The following NIBAN2 variants were observed in gnomAD, a reference collection of about 807,000 sequenced individuals.
NIBAN2 encodes the protein niban apoptosis regulator 2, also known as protein Niban 2.
Under a neutral mutation model 81.8 loss-of-function variants are expected in NIBAN2, and 36 were observed. The observed-to-expected ratio is 0.44, with a 90% confidence interval of 0.34 to 0.58. NIBAN2 has a LOEUF of 0.58. Ranked by LOEUF, NIBAN2 falls within the 20% of genes least tolerant of loss-of-function variation. NIBAN2 has a pLI of 0.02. For synonymous variants in NIBAN2, 445 were observed against 441.6 expected (o/e 1.01, Z -0.10); for missense variants, 897 against 1,014.1 (o/e 0.88, Z 1.57).
rs560932301 is a variant in NIBAN2, at chr9:127,506,067, G to C, written c.*778C>G. ...GGCCAGGCGGGCAGGAGGGAGGCAG[G>C]CTGGGGCCGGGAGAAGGGGATACAC... On this transcript the variant is annotated 3_prime_UTR_variant, in exon 14 of 14. Coordinates refer to ENST00000373312, the MANE Select transcript of NIBAN2 (RefSeq NM_022833.4). 6.5e-6 allele frequency: 1 copy of C among 153,130 alleles called. No individual in the cohort carries two copies. Among genetic ancestry groups the C allele is most frequent in the East Asian group, 1.9e-4 (1 of 5,166 alleles). 9.5% of individuals were successfully genotyped at this position (153,130 alleles called of 1,614,324 possible).
rs1298540817 is a variant in NIBAN2, at chr9:127,507,152, G to A, written c.1934C>T (p.Ala645Val). The change falls in exon 14 of 14, where the codon GCG (alanine) becomes GTG (valine). Residue 645 changes from alanine to valine, a missense_variant. Physicochemically the swap from Ala to Val is moderately conservative, Grantham distance 64. Around this residue, in one of 3 missense-constraint regions of NIBAN2, gnomAD observed 619 missense variants for 691.0 expected, o/e 0.90. Coordinates refer to ENST00000373312, the MANE Select transcript of NIBAN2 (RefSeq NM_022833.4). This position sits in a 1 kb window ranked among gnomAD's most constrained non-coding sequence, Gnocchi z 6.8. ...FEASPESPPPASPDGVTEIRG... is the reference protein window; with the variant it reads ...FEASPESPPPVSPDGVTEIRG... ...GATCTCAGTGACACCGTCCGGGGACGCAGGTGGTGGTGACTCAGGGCTAGC... is the reference window on the plus strand; with the variant it reads ...GATCTCAGTGACACCGTCCGGGGACACAGGTGGTGGTGACTCAGGGCTAGC... 1.2e-5 allele frequency: 20 copies of A among 1,608,452 alleles called. No individual in the cohort carries two copies. Among genetic ancestry groups the A allele is most frequent in the African/African-American group, 6.7e-5 (5 of 74,860 alleles).
chr9:127,556,549 C>T (rs1216284896), intron 1 of NIBAN2, among the ~76,000 whole-genome samples: 1 of 152,234 alleles, frequency 6.6e-6, no homozygotes, highest in Non-Finnish European at 1.5e-5. Flanking sequence ...GTTATTGACT[C>T]CTCAGCATTT....
chr9:127,554,235 C>T (rs1837626490), intron 1 of NIBAN2, among the ~76,000 whole-genome samples: 1 of 152,156 alleles, frequency 6.6e-6, no homozygotes, highest in Admixed American at 6.5e-5. Context: ...ATTCCCCAAC[C>T]CCTTTGCCTG....
Position 127,507,310 on chromosome 9 carries a change from C to T in NIBAN2, c.1776G>A (p.Glu592=), listed in dbSNP as rs1461638026. 1.3e-6 allele frequency: 2 copies of T among 1,579,724 alleles called. No homozygotes were observed. Among genetic ancestry groups the T allele is most frequent in the East Asian group, 2.3e-5 (1 of 44,220 alleles). ...TGCCGCCCCCGCCGCTGTTGCTGTA[C>T]TCCTCGCCCCAGTCGATGGGGGCGC... The part of the protein sequence containing the change: ...AEGAPIDWGE[E]YSNSGGGGSP... Residue 592 remains glutamate (E), a synonymous_variant, in exon 14 of 14, where the codon GAG becomes GAA. Transcript: ENST00000373312. This position sits in a 1 kb window ranked among gnomAD's most constrained non-coding sequence, Gnocchi z 6.8.
chr9:127,531,890 G>C, intron 1 of NIBAN2, 112 bp from the exon 2 acceptor site: 1 of 1,414,528 alleles, frequency 7.1e-7, no homozygotes, highest in Non-Finnish European at 9.7e-7. Context: ...ATGTGGAATT[G>C]TTTGCACAGG....
intron 1 of NIBAN2, among the ~76,000 whole-genome samples, chr9:127,544,193 G>A (rs912455001): frequency 2.0e-5 from 3 of 152,178 alleles, no homozygotes; most frequent in Non-Finnish European, 2.9e-5. Context: ...GTTCACTTCC[G>A]TATCCCTGGT....
chr9:127,570,716 T>C (rs1017261488), upstream of NIBAN2, among the ~76,000 whole-genome samples: 1 of 152,208 alleles, frequency 6.6e-6, no homozygotes, highest in Non-Finnish European at 1.5e-5. Context: ...CAGCAGATAC[T>C]GAGAAACAGC....
At chr9:127,567,244 C>T (rs1837874095) in intron 1 of NIBAN2, among the ~76,000 whole-genome samples, 2 of 152,146 alleles carry the variant, frequency 1.3e-5, no homozygotes, top group Non-Finnish European at 2.9e-5. Context: ...CACCCAGGCC[C>T]CTCGAGGGGC....
At chr9:127,571,195 C>T (rs1340278096), upstream of NIBAN2, among the ~76,000 whole-genome samples, 2 of 152,308 alleles carry the variant, frequency 1.3e-5, no homozygotes, top group Non-Finnish European at 1.5e-5. Flanking sequence ...GGAACACCCA[C>T]AGCCTGCCTA....
chr9:127,527,282 A>G lies in NIBAN2; in HGVS notation c.227T>C (p.Phe76Ser), dbSNP rs1215989744. The change falls in exon 3 of 14, where the codon TTC (phenylalanine) becomes TCC (serine). Residue 76 changes from phenylalanine (F) to serine (S), a missense_variant. Physicochemically the swap from Phe to Ser is radical, Grantham distance 155. Coordinates refer to ENST00000373312, the MANE Select transcript of NIBAN2 (RefSeq NM_022833.4). ...CTTCTTGCTGTCCTCCTGGTGCTGGAAGAGGTTCCCCGAGAAGACGATGCG... is the reference window on the plus strand; with the variant it reads ...CTTCTTGCTGTCCTCCTGGTGCTGGGAGAGGTTCCCCGAGAAGACGATGCG... ...DERIVFSGNL[F>S]QHQEDSKKWR... The G allele has an allele frequency of 1.2e-6, 2 of 1,613,654 alleles. No homozygotes were observed. Among genetic ancestry groups the G allele is most frequent in the Non-Finnish European group, 1.7e-6 (2 of 1,179,954 alleles).
intron 1 of NIBAN2, among the ~76,000 whole-genome samples, chr9:127,547,681 T>C (rs934804621): frequency 2.0e-5 from 3 of 148,234 alleles, no homozygotes; most frequent in Non-Finnish European, 4.5e-5. Flanking sequence ...CTACTAAATA[T>C]ACAAAAGTAG....
chr9:127,514,673 A>AT (rs1836792781), intron 8 of NIBAN2, among the ~76,000 whole-genome samples: 1 of 152,254 alleles, frequency 6.6e-6, no homozygotes, highest in African/African-American at 2.4e-5. Context: ...CTGGCTCTGC[A>AT]TAATTATGTA....
chr9:127,565,518 C>T (rs906900974), intron 1 of NIBAN2, among the ~76,000 whole-genome samples: 4 of 151,840 alleles, frequency 2.6e-5, no homozygotes, highest in Non-Finnish European at 4.4e-5. Flanking sequence ...TTTGGCTGGG[C>T]GTGGTGGCTC....
At chr9:127,520,266 T>G (rs1836912821) in intron 5 of NIBAN2, among the ~76,000 whole-genome samples, 2 of 144,458 alleles carry the variant, frequency 1.4e-5, no homozygotes, top group African/African-American at 2.6e-5. Context: ...CTGAGAAGAG[T>G]CTTACTCTGT....
chr9:127,553,571 G>A (rs955877550), intron 1 of NIBAN2, among the ~76,000 whole-genome samples: 2 of 152,234 alleles, frequency 1.3e-5, no homozygotes, highest in African/African-American at 4.8e-5. Flanking sequence ...AAAGCAGAGA[G>A]CTGAGGTCAT....
chr9:127,542,868 A>C (rs943600807), intron 1 of NIBAN2, among the ~76,000 whole-genome samples: 1 of 152,186 alleles, frequency 6.6e-6, no homozygotes, highest in African/African-American at 2.4e-5. Context: ...GATTACAGGC[A>C]CCCACCATCA....
intron 1 of NIBAN2, among the ~76,000 whole-genome samples, chr9:127,541,618 C>T (rs972715468): frequency 6.6e-6 from 1 of 152,108 alleles, no homozygotes; most frequent in Admixed American, 6.5e-5. Context: ...GGGGTAATGA[C>T]AGGCTCCATC....
At chr9:127,531,144 C>T (rs2798433) in intron 2 of NIBAN2, among the ~76,000 whole-genome samples, 75,477 of 150,598 alleles carry the variant, frequency 0.5, 20,507 homozygotes, top group Middle Eastern at 0.66. Context: ...TGCGCCACTG[C>T]ACTCCAGCCT....
chr9:127,550,981 G>A (rs1321750883), intron 1 of NIBAN2, among the ~76,000 whole-genome samples: 1 of 152,126 alleles, frequency 6.6e-6, no homozygotes, highest in Non-Finnish European at 1.5e-5. Context: ...AAAGGCCTGG[G>A]TCCGCCAGCC....
Sources: gnomAD v4.1 joint callset for allele counts (sites outside exome capture counted in the v4.1 genomes callset) on GRCh38, gnomAD v4.1.1 for gene constraint, gnomAD v4.1.1 regional missense constraint, Gnocchi (gnomAD v3.1) non-coding constraint, MANE v1.5 for transcripts, NCBI Gene and HGNC (gene_info 2026-07-23, HGNC 2026-07-21) for gene names.